The following CFAP46 variants were observed in gnomAD, a reference collection of about 807,000 sequenced individuals.
CFAP46 encodes the protein cilia and flagella associated protein 46, also known as cilia- and flagella-associated protein 46.
A neutral mutation model predicts 325.7 loss-of-function variants in CFAP46; 245 were observed. That is an observed-to-expected ratio of 0.75 (90% CI 0.68 to 0.84). CFAP46 has a LOEUF of 0.84. Among genes scored for constraint, CFAP46 ranks in the 40% least tolerant of loss-of-function variants. The pLI is 0.00. For synonymous variants in CFAP46, 1,523 were observed against 1,495.9 expected, an observed-to-expected ratio of 1.02 and a Z score of -0.42; for missense variants, 3,346 against 3,543.0, an observed-to-expected ratio of 0.94 and a Z score of 1.41.
chr10:132,920,204 C>T (rs910780153), intron 13 of CFAP46, 22 bp from the exon 14 acceptor site: 16 of 1,515,590 alleles, frequency 1.1e-5, no homozygotes. Flanking sequence ...AATGCAAAGG[C>T]AGGTGTTGCA....
intron 39 of CFAP46, among the ~76,000 whole-genome samples, chr10:132,853,567 C>G (rs1309358371): frequency 1.3e-5 from 2 of 152,074 alleles, no homozygotes; most frequent in Non-Finnish European, 2.9e-5. Context: ...TTTCAAGTTT[C>G]TAGAATAATT....
intron 39 of CFAP46, among the ~76,000 whole-genome samples, chr10:132,855,373 T>C (rs1361139734): frequency 2.0e-5 from 3 of 152,250 alleles, no homozygotes; most frequent in Non-Finnish European, 2.9e-5. Flanking sequence ...GTTAGCATGG[T>C]ACATTTTTTC....
chr10:132,812,139 C>T (rs1414413161), intron 55 of CFAP46, among the ~76,000 whole-genome samples: 1 of 152,212 alleles, frequency 6.6e-6, no homozygotes, highest in Admixed American at 6.5e-5. Flanking sequence ...CCTGCGGTGT[C>T]CGAGTGGCTG....
chr10:132,938,713 G>T lies in CFAP46; in HGVS notation c.412C>A (p.Gln138Lys). ...LVYNASVLYW[Q>K]MVRPFLKPGY... is the part of the protein sequence containing the mutation. Reference sequence around the variant, plus strand: ...GGCTTGAGGAACGGCCTCACCATCTGCCAGTAGAGGACTGATGCATTGTAC... The same window carrying T: ...GGCTTGAGGAACGGCCTCACCATCTTCCAGTAGAGGACTGATGCATTGTAC... Residue 138 changes from glutamine (Q) to lysine (K), a missense_variant, in exon 5 of 58, where the codon CAG becomes AAG. Gln to Lys is a moderately conservative substitution (Grantham distance 53, BLOSUM62 1). Coordinates refer to ENST00000368586, the MANE Select transcript of CFAP46 (RefSeq NM_001200049.3). The T allele has an allele frequency of 6.2e-7, 1 of 1,613,572 alleles. No individual in the cohort carries two copies. The highest frequency in any genetic ancestry group is 8.5e-7 in the Non-Finnish European group (1 of 1,179,974).
intron 51 of CFAP46, 28 bp downstream of exon 51, chr10:132,814,816 C>G (rs369610087): frequency 1.4e-5 from 23 of 1,613,848 alleles, no homozygotes; most frequent in Non-Finnish European, 1.8e-5. Context: ...CCCACCAGCC[C>G]GATCCCCTAT....
At chr10:132,821,442 G>A (rs1312904925) in intron 50 of CFAP46, among the ~76,000 whole-genome samples, 3 of 128,186 alleles carry the variant, frequency 2.3e-5, no homozygotes, top group African/African-American at 9.5e-5. Flanking sequence ...CTGTGTGAGT[G>A]CTGATGTGTG....
intron 50 of CFAP46, among the ~76,000 whole-genome samples, chr10:132,824,962 GTGAGTGCTGA>G (rs1407717473): frequency 1.4e-5 from 2 of 144,902 alleles, no homozygotes; most frequent in Admixed American, 6.9e-5. Context: ...TGTGTGCTGT[GTGAGTGCTGA>G]TGTGTGCTGA....
At chr10:132,935,344 G>A (rs570228529) in intron 7 of CFAP46, among the ~76,000 whole-genome samples, 1 of 134,540 alleles carries the variant, frequency 7.4e-6, no homozygotes, top group Non-Finnish European at 1.7e-5. Context: ...CAAACCCACT[G>A]TGATCTCCTC....
chr10:132,924,697 T>C lies in CFAP46; in HGVS notation c.1255A>G (p.Ser419Gly). The C allele has an allele frequency of 1.3e-6, 2 of 1,522,922 alleles. No homozygotes were observed. The highest frequency in any genetic ancestry group is 2.1e-5 in the Admixed American group (1 of 47,284). The allele number at this position is 1,522,922 out of a possible 1,614,324, so 94.3% of individuals were successfully genotyped here. A position where few individuals can be genotyped will look rare whatever the true frequency, so the allele number is the denominator to read the frequency against. ...ACACAGCACAGGTGAGCGCCCCACCTGTCCAGCTTCTCCAGCACGTCCGCA... is the reference window on the plus strand; with the variant it reads ...ACACAGCACAGGTGAGCGCCCCACCCGTCCAGCTTCTCCAGCACGTCCGCA... ...GVADVLEKLDSLMTLLRCQVH... is the reference protein window; with the variant it reads ...GVADVLEKLDGLMTLLRCQVH... The change falls in exon 11 of 58, where the codon AGC becomes GGC. Residue 419 changes from serine to glycine, a missense_variant and splice_region_variant. Physicochemically the swap from Ser to Gly is moderately conservative, Grantham distance 56. Transcript: ENST00000368586.
intron 24 of CFAP46, among the ~76,000 whole-genome samples, chr10:132,893,112 G>C (rs117845608): frequency 6.6e-6 from 1 of 152,186 alleles, no homozygotes; most frequent in Non-Finnish European, 1.5e-5. Context: ...GCAAAATGGC[G>C]GAGTTTCACT....
Position 132,919,828 on chromosome 10 carries a change from A to G in CFAP46, c.1730+231T>C, listed in dbSNP as rs1304746164. On this transcript the variant is annotated intron_variant, in intron 14 of 57. Transcript: ENST00000368586. This position sits in a 1 kb window ranked among gnomAD's most constrained non-coding sequence, Gnocchi z 9.7. Reference sequence around the variant, plus strand: ...CCGAGTGACAGCAGTGACAGGCGGGACAGGGCAGCCGCACACCTCATAGGC... The same window carrying G: ...CCGAGTGACAGCAGTGACAGGCGGGGCAGGGCAGCCGCACACCTCATAGGC... Among the ~76,000 whole-genome samples, 4 of 152,018 alleles carry G rather than the reference A, an allele frequency of 2.6e-5. No individual in the cohort carries two copies. The highest frequency in any genetic ancestry group is 5.9e-5 in the Non-Finnish European group (4 of 67,972).
intron 23 of CFAP46, 111 bp from the exon 24 acceptor site, chr10:132,899,232 C>T: frequency 8.2e-7 from 1 of 1,215,776 alleles, no homozygotes; most frequent in South Asian, 1.6e-5. Context: ...ACGCTCGCTC[C>T]CTCCTGGGCA....
chr10:132,845,359 T>C lies in CFAP46; in HGVS notation c.6438+698A>G, dbSNP rs540075729. Among the ~76,000 whole-genome samples the C allele has an allele frequency of 6.6e-5, 10 of 152,304 alleles. No homozygotes were observed. The East Asian group carries it at 1.9e-3, about 29-fold the overall frequency. On this transcript the variant is annotated intron_variant, in intron 44 of 57. Coordinates refer to ENST00000368586, the MANE Select transcript of CFAP46 (RefSeq NM_001200049.3). ...CCATGTCTGCAGACATCTCTGGATG[T>C]CACAATGGCAGGGGTGCTCCTGTCA...
intron 44 of CFAP46, among the ~76,000 whole-genome samples, chr10:132,838,854 C>A (rs989805914): frequency 1.3e-5 from 2 of 152,268 alleles, no homozygotes; most frequent in Non-Finnish European, 2.9e-5. Flanking sequence ...CAGGGAGCCT[C>A]AGCTGCCCCC....
At chr10:132,910,093 C>T (rs763882873) in intron 19 of CFAP46, 25 bp from the exon 20 acceptor site, 8 of 1,389,166 alleles carry the variant, frequency 5.8e-6, no homozygotes, top group Admixed American at 6.7e-5. Context: ...TTCTCGGTCA[C>T]GAAACCTGAA....
intron 35 of CFAP46, among the ~76,000 whole-genome samples, chr10:132,864,568 A>C (rs61862302): frequency 0.014 from 628 of 43,476 alleles, 4 homozygotes; most frequent in Middle Eastern, 0.056. Context: ...GAGACCTGCA[A>C]ACATCTGTCC....
intron 14 of CFAP46, 28 bp downstream of exon 14, chr10:132,920,031 G>A (rs775966213): frequency 4.7e-5 from 71 of 1,512,290 alleles, no homozygotes; most frequent in South Asian, 2.0e-4. Context: ...TGAGCTGTGC[G>A]TGGCGCTCTG....
chr10:132,851,071 T>G, intron 40 of CFAP46, 46 bp downstream of exon 40: 2 of 1,608,276 alleles, frequency 1.2e-6, no homozygotes, highest in Non-Finnish European at 1.7e-6. Context: ...AGCTGCACTG[T>G]GGCCTGGCGC....
chr10:132,812,275 GC>G (rs912944891), intron 55 of CFAP46, among the ~76,000 whole-genome samples: 33 of 152,226 alleles, frequency 2.2e-4, no homozygotes, highest in Admixed American at 1.2e-3. Context: ...CCTGCCAAAA[GC>G]CCCCCCTGTG....
Sources: gnomAD v4.1 joint callset for allele counts (sites outside exome capture counted in the v4.1 genomes callset) on GRCh38, gnomAD v4.1.1 for gene constraint, Gnocchi (gnomAD v3.1) non-coding constraint, MANE v1.5 for transcripts, NCBI Gene and HGNC (gene_info 2026-07-23, HGNC 2026-07-21) for gene names.